SLC20A2: variants seen among roughly 807,000 people sequenced by gnomAD.
SLC20A2 encodes the protein sodium-dependent phosphate transporter 2.
Under a neutral mutation model 61.0 loss-of-function variants are expected in SLC20A2, and 30 were observed. The observed-to-expected ratio is 0.49, with a 90% confidence interval of 0.37 to 0.67. The LOEUF is 0.67. SLC20A2 is among the 30% of genes least tolerant of loss of function. The probability of loss-of-function intolerance (pLI) is 0.00; values close to 1 mark genes in which losing one functional copy is unlikely to be tolerated. For synonymous variants in SLC20A2, 351 were observed against 353.3 expected (o/e 0.99, Z 0.07); for missense variants, 626 against 866.4 (o/e 0.72, Z 3.48).
chr8:42,541,660 C>T (rs1813183369), intron 1 of SLC20A2: 2 of 149,918 alleles, frequency 1.3e-5, no homozygotes, highest in South Asian at 2.1e-4. Context: ...TAAAGAGCCC[C>T]GGAGCGGAGC....
At position 42,417,564 on chromosome 8, in the gene SLC20A2, T is replaced by C. The variant is rs1802744698; in HGVS notation, c.*239A>G. On this transcript the variant is annotated 3_prime_UTR_variant, in exon 11 of 11. Coordinates refer to ENST00000520262, the MANE Select transcript of SLC20A2 (RefSeq NM_001257180.2). ...ATATAAGTAACTGCACCACATTATA[T>C]CACCACGATACCAGTTTAATACATA... The C allele has an allele frequency of 2.9e-6, 1 of 346,150 alleles. No homozygotes were observed. Among genetic ancestry groups the C allele is most frequent in the African/African-American group, 2.0e-5 (1 of 49,292 alleles). The allele number at this position is 346,150 out of a possible 1,614,324, so 21.4% of individuals were successfully genotyped here. A position where few individuals can be genotyped will look rare whatever the true frequency, so the allele number is the denominator to read the frequency against.
At chr8:42,442,840 G>C (rs1282696316) in intron 6 of SLC20A2, among the ~76,000 whole-genome samples, 1 of 152,018 alleles carries the variant, frequency 6.6e-6, no homozygotes, top group Non-Finnish European at 1.5e-5. Context: ...CATGTATTTT[G>C]GTCTTTTTCA....
intron 6 of SLC20A2, among the ~76,000 whole-genome samples, chr8:42,443,283 A>G (rs1376528042): frequency 6.8e-5 from 9 of 132,608 alleles, no homozygotes; most frequent in African/African-American, 2.4e-4. Context: ...ATATATATAT[A>G]TATATATATA....
At chr8:42,425,847 C>A (rs1378188922) in intron 10 of SLC20A2, among the ~76,000 whole-genome samples, 1 of 152,008 alleles carries the variant, frequency 6.6e-6, no homozygotes, top group Non-Finnish European at 1.5e-5. Context: ...TCGAGACCAT[C>A]CTGGCTAACA....
At chr8:42,457,736 C>T (rs1190906417) in intron 5 of SLC20A2, among the ~76,000 whole-genome samples, 6 of 152,144 alleles carry the variant, frequency 3.9e-5, no homozygotes, top group South Asian at 4.1e-4. Context: ...CCACCCACCT[C>T]GGCCTCCCAA....
At position 42,417,660 on chromosome 8, in the gene SLC20A2, G is replaced by A. The variant is rs1408966242; in HGVS notation, c.*143C>T. 6 of 821,036 alleles carry A rather than the reference G, an allele frequency of 7.3e-6. No homozygotes were observed. The South Asian group carries it at 1.0e-4, about 14-fold the overall frequency. 50.9% of individuals were successfully genotyped at this position (821,036 alleles called of 1,614,324 possible). A position where few individuals can be genotyped will look rare whatever the true frequency, so the allele number is the denominator to read the frequency against. ...CAGCCTGGGTGAACAGTGTGGGATG[G>A]AGCCTCCTGGAAGGGAGGCAGAGAG... On this transcript the variant is annotated 3_prime_UTR_variant, in exon 11 of 11. Transcript: ENST00000520262.
intron 1 of SLC20A2, among the ~76,000 whole-genome samples, chr8:42,485,634 C>A: frequency 8.0e-6 from 1 of 125,478 alleles, no homozygotes; most frequent in East Asian, 2.3e-4. Context: ...AAGAACAAAA[C>A]TCCGTCTCAA....
rs72643203 is a variant in SLC20A2, at chr8:42,417,423, G to A, written c.*380C>T. Reference sequence around the variant, plus strand: ...TTTAGAAGGCTTAACATTTGCCATCGAAATAGTTATGTACAAGATTTATTG... The same window carrying A: ...TTTAGAAGGCTTAACATTTGCCATCAAAATAGTTATGTACAAGATTTATTG... On this transcript the variant is annotated 3_prime_UTR_variant, in exon 11 of 11. Transcript: ENST00000520262. 0.015 allele frequency: 2,389 copies of A among 159,292 alleles called. 25 individuals are homozygous for A. The highest frequency in any genetic ancestry group is 0.026 in the Middle Eastern group (8 of 306). The allele number at this position is 159,292 out of a possible 1,614,324, so 9.9% of individuals were successfully genotyped here.
At chr8:42,443,908 TC>T (rs1360560984) in intron 6 of SLC20A2, among the ~76,000 whole-genome samples, 10 of 152,294 alleles carry the variant, frequency 6.6e-5, no homozygotes, top group African/African-American at 2.4e-4. Context: ...CTCTTCCGGA[TC>T]ATGGGCTTCT....
intron 4 of SLC20A2, among the ~76,000 whole-genome samples, chr8:42,462,355 C>T (rs2131171623): frequency 6.6e-6 from 1 of 152,294 alleles, no homozygotes; most frequent in African/African-American, 2.4e-5. Context: ...AGCTTCCAAG[C>T]AAGGTACAAC....
At chr8:42,458,167 C>T (rs1419436248) in intron 5 of SLC20A2, among the ~76,000 whole-genome samples, 1 of 152,206 alleles carries the variant, frequency 6.6e-6, no homozygotes, top group Non-Finnish European at 1.5e-5. Context: ...ACAGATCCCA[C>T]AGTCTGGCTG....
chr8:42,475,840 C>T (rs977029908), intron 1 of SLC20A2, among the ~76,000 whole-genome samples: 7 of 143,402 alleles, frequency 4.9e-5, no homozygotes, highest in Non-Finnish European at 1.1e-4. Flanking sequence ...AGGCTGTGGA[C>T]GGTGGTGGGT....
chr8:42,432,942 G>A lies in SLC20A2; in HGVS notation c.1524-2693C>T, dbSNP rs147266458. 6.2e-3 allele frequency among the ~76,000 whole-genome samples: 946 copies of A among 152,316 alleles called. 5 individuals are homozygous for A. The highest frequency in any genetic ancestry group is 0.021 in the African/African-American group (890 of 41,568). ...GTATTGTGAAACTTGTTTTATTGTAGTGGTCTGGAATGGAACCCACAGTGT... is the reference window on the plus strand; with the variant it reads ...GTATTGTGAAACTTGTTTTATTGTAATGGTCTGGAATGGAACCCACAGTGT... On this transcript the variant is annotated intron_variant, in intron 8 of 10. Coordinates refer to ENST00000520262, the MANE Select transcript of SLC20A2 (RefSeq NM_001257180.2).
At chr8:42,539,306 TA>T (rs774088570) in intron 1 of SLC20A2, among the ~76,000 whole-genome samples, 55 of 152,226 alleles carry the variant, frequency 3.6e-4, no homozygotes, top group Non-Finnish European at 7.5e-4. Context: ...ACTGTTAAGT[TA>T]AACCCTACGC....
At chr8:42,517,004 A>C (rs1811359237) in intron 1 of SLC20A2, among the ~76,000 whole-genome samples, 1 of 152,154 alleles carries the variant, frequency 6.6e-6, no homozygotes, top group African/African-American at 2.4e-5. Flanking sequence ...CCACCCCCCA[A>C]GCATTTCTCA....
rs1368932575 is a variant in SLC20A2, at chr8:42,439,664, C to T, written c.731-11G>A. 3 of 1,576,220 alleles carry T rather than the reference C, an allele frequency of 1.9e-6. No individual in the cohort carries two copies. Among genetic ancestry groups the T allele is most frequent in the Non-Finnish European group, 8.7e-7 (1 of 1,145,586 alleles). On this transcript the variant is annotated splice_polypyrimidine_tract_variant and intron_variant, in intron 6 of 10. Coordinates refer to ENST00000520262, the MANE Select transcript of SLC20A2 (RefSeq NM_001257180.2). Reference sequence around the variant, plus strand: ...CTTTTTGTAATTTGCCTAAAGAAAACAAAGTCATACTGAACATTCTGGAAG... The same window carrying T: ...CTTTTTGTAATTTGCCTAAAGAAAATAAAGTCATACTGAACATTCTGGAAG...
intron 5 of SLC20A2, among the ~76,000 whole-genome samples, chr8:42,447,345 CAA>C (rs566169144): frequency 2.4e-4 from 28 of 115,428 alleles, no homozygotes; most frequent in Admixed American, 1.8e-4. Flanking sequence ...GATCCTGCCT[CAA>C]AAAAAAAAAA....
At chr8:42,474,796 G>A (rs918488686) in intron 1 of SLC20A2, among the ~76,000 whole-genome samples, 2 of 152,158 alleles carry the variant, frequency 1.3e-5, no homozygotes, top group Non-Finnish European at 2.9e-5. Context: ...CTATAAACTG[G>A]TGACAAGAAC....
chr8:42,472,255 G>C lies in SLC20A2; in HGVS notation c.136C>G (p.Gln46Glu), dbSNP rs751093906. 3 of 1,614,158 alleles carry C rather than the reference G, an allele frequency of 1.9e-6. No individual in the cohort carries two copies. The highest frequency in any genetic ancestry group is 2.5e-6 in the Non-Finnish European group (3 of 1,180,042). ...AATATTGAAGCTAAAATGCATGCCT[G>C]CCTCAAGGTCACCACACCAGAGCCC... Reference protein sequence around the residue: ...AVGSGVVTLRQACILASIFET... With the variant: ...AVGSGVVTLREACILASIFET... The change falls in exon 2 of 11, where the codon CAG becomes GAG. Residue 46 changes from glutamine to glutamate, a missense_variant. Gln to Glu is a conservative substitution (Grantham distance 29, BLOSUM62 2). Around this residue, in one of 3 missense-constraint regions of SLC20A2, gnomAD observed 127 missense variants for 215.4 expected, o/e 0.59. Transcript: ENST00000520262. This position sits in a 1 kb window ranked among gnomAD's most constrained non-coding sequence, Gnocchi z 4.1.
Sources: gnomAD v4.1 joint callset for allele counts (sites outside exome capture counted in the v4.1 genomes callset) on GRCh38, gnomAD v4.1.1 for gene constraint, gnomAD v4.1.1 regional missense constraint, Gnocchi (gnomAD v3.1) non-coding constraint, MANE v1.5 for transcripts, NCBI Gene and HGNC (gene_info 2026-07-23, HGNC 2026-07-21) for gene names.